Variants in CAST observed in about 807,000 individuals in gnomAD.
CAST encodes the protein calpastatin, also known as MIR583 host.
Under a neutral mutation model 119.6 loss-of-function variants are expected in CAST, and 76 were observed. The ratio of observed to expected loss-of-function variants is 0.64; its 90% confidence interval spans 0.53 to 0.77. The LOEUF is 0.77. Ranked by LOEUF, CAST falls within the 30% of genes least tolerant of loss-of-function variation. The pLI is 0.00. For synonymous variants in CAST, 319 were observed against 331.6 expected (o/e 0.96, Z 0.41); for missense variants, 953 against 946.5 (o/e 1.01, Z -0.09).
chr5:96,532,958 G>T (rs971269037), intron 1 of CAST, among the ~76,000 whole-genome samples: 3 of 151,864 alleles, frequency 2.0e-5, no homozygotes, highest in African/African-American at 7.3e-5. Flanking sequence ...CTGGAAGGTT[G>T]AGGCTGCAGT....
chr5:96,577,939 A>G (rs746706447), intron 1 of CAST, among the ~76,000 whole-genome samples: 2 of 152,166 alleles, frequency 1.3e-5, no homozygotes, highest in Non-Finnish European at 2.9e-5. Flanking sequence ...TATATATGTC[A>G]TTAGATCCTG....
intron 1 of CAST, among the ~76,000 whole-genome samples, chr5:96,573,028 T>C (rs1746598074): frequency 6.6e-6 from 1 of 152,164 alleles, no homozygotes; most frequent in Non-Finnish European, 1.5e-5. Context: ...CGATGACTAA[T>C]TGGAGAGAAG....
chr5:96,434,978 T>C, the CAST span, among the ~76,000 whole-genome samples: 1 of 152,232 alleles, frequency 6.6e-6, no homozygotes, highest in Admixed American at 6.5e-5. Context: ...GATAGCTTTG[T>C]TGTCTGTTCT....
At chr5:96,160,920 C>T in the CAST span, among the ~76,000 whole-genome samples, 1 of 152,088 alleles carries the variant, frequency 6.6e-6, no homozygotes, top group African/African-American at 2.4e-5. Flanking sequence ...TGGAGAACTG[C>T]CTGTTAATTA....
intron 3 of CAST, among the ~76,000 whole-genome samples, chr5:96,715,896 A>G (rs1262525899): frequency 1.3e-5 from 2 of 152,234 alleles, no homozygotes; most frequent in Non-Finnish European, 2.9e-5. Flanking sequence ...TGCCCAAAAG[A>G]GATGGCTGAA....
rs1199202807 is a variant in CAST at position 96,617,541 on chromosome 5, G to A, written c.61-57998G>A. 5.9e-5 allele frequency among the ~76,000 whole-genome samples: 9 copies of A among 152,024 alleles called. No individual in the cohort carries two copies. The South Asian group carries it at 1.7e-3, about 28-fold the overall frequency. On this transcript the variant is annotated intron_variant, in intron 1 of 11. Coordinates refer to the CAST transcript ENST00000505143. ...ACGGTGGCTCATGCCTGTAATCCCG[G>A]CACTTTGGGAGGCCAAGGCGGGCGA...
chr5:95,979,246 G>A, the CAST span, among the ~76,000 whole-genome samples: 1 of 152,012 alleles, frequency 6.6e-6, no homozygotes, highest in African/African-American at 2.4e-5. Context: ...ATTCATCCCA[G>A]CCACAATTAT....
At chr5:96,212,870 T>C in the CAST span, among the ~76,000 whole-genome samples, 1 of 152,104 alleles carries the variant, frequency 6.6e-6, no homozygotes. Flanking sequence ...GTAATCCCAG[T>C]GCTTTTGGAG....
chr5:96,730,759 C>A, intron 8 of CAST, 21 bp from the exon 9 acceptor site: 1 of 1,593,030 alleles, frequency 6.3e-7, no homozygotes, highest in Non-Finnish European at 8.6e-7. Flanking sequence ...CTCTGTCAAC[C>A]TTTTATCCTC....
chr5:96,014,548 A>C, the CAST span, among the ~76,000 whole-genome samples: 1 of 152,202 alleles, frequency 6.6e-6, no homozygotes, highest in African/African-American at 2.4e-5. Context: ...GTTTGTTTAC[A>C]CCAGCATCAC....
the CAST span, among the ~76,000 whole-genome samples, chr5:96,300,607 A>G: frequency 2.0e-4 from 30 of 151,912 alleles, no homozygotes; most frequent in African/African-American, 7.0e-4. Context: ...TAGACATGTT[A>G]GAATTTTTGT....
At chr5:96,429,194 A>T in the CAST span, 1 of 1,202,802 alleles carries the variant, frequency 8.3e-7, no homozygotes, top group Non-Finnish European at 1.2e-6. Context: ...TGGTTTGAAG[A>T]CAAATGTACA....
At chr5:96,261,811 C>T in the CAST span, among the ~76,000 whole-genome samples, 13 of 152,222 alleles carry the variant, frequency 8.5e-5, no homozygotes, top group South Asian at 2.1e-3. Context: ...ATGTGGCTAG[C>T]GGCTGCCATA....
chr5:96,419,705 A>G, the CAST span, among the ~76,000 whole-genome samples: 1 of 151,886 alleles, frequency 6.6e-6, no homozygotes, highest in Non-Finnish European at 1.5e-5. Flanking sequence ...TCAGGCACAA[A>G]ACAAATAGCA....
the CAST span, among the ~76,000 whole-genome samples, chr5:96,504,344 C>G: frequency 5.9e-5 from 9 of 151,774 alleles, no homozygotes; most frequent in African/African-American, 2.2e-4. Flanking sequence ...GTGATCCTGT[C>G]AAAAAAAAGT....
intron 1 of CAST, among the ~76,000 whole-genome samples, chr5:96,620,688 G>GA (rs950232140): frequency 3.3e-5 from 5 of 151,990 alleles, no homozygotes; most frequent in African/African-American, 9.7e-5. Flanking sequence ...CATAAAAAAA[G>GA]AAAAAAATTC....
At chr5:96,227,782 C>G in the CAST span, among the ~76,000 whole-genome samples, 1 of 152,116 alleles carries the variant, frequency 6.6e-6, no homozygotes, top group South Asian at 2.1e-4. Context: ...CTAGATAAAG[C>G]CTTGAGGCTC....
the CAST span, among the ~76,000 whole-genome samples, chr5:96,010,658 A>G: frequency 6.6e-6 from 1 of 152,206 alleles, no homozygotes; most frequent in Admixed American, 6.5e-5. Flanking sequence ...TGGTAGTTTG[A>G]CAGGAATAGC....
At chr5:96,500,496 C>A in the CAST span, among the ~76,000 whole-genome samples, 5 of 152,172 alleles carry the variant, frequency 3.3e-5, no homozygotes, top group Non-Finnish European at 7.3e-5. Context: ...GGTTCTAGGA[C>A]TGACATCATC....
Sources: allele counts gnomAD v4.1 joint callset (sites outside exome capture counted in the v4.1 genomes callset), GRCh38; gene constraint gnomAD v4.1.1; transcripts MANE v1.5; gene names NCBI Gene and HGNC (gene_info 2026-07-23, HGNC 2026-07-21).